BHMT: variants seen among roughly 807,000 people sequenced by gnomAD.
BHMT encodes the protein betaine--homocysteine S-methyltransferase.
In BHMT, 38 loss-of-function variants were observed where a neutral mutation model predicts 49.5. That is an observed-to-expected ratio of 0.77 (90% CI 0.59 to 1.01). The LOEUF (loss-of-function observed/expected upper bound fraction) is 1.01, where lower values mean the gene tolerates loss of function less well. Among genes scored for constraint, BHMT ranks in the 50% least tolerant of loss-of-function variants. BHMT has a pLI of 0.00. For synonymous variants in BHMT, 166 were observed against 176.3 expected, an observed-to-expected ratio of 0.94 and a Z score of 0.46; for missense variants, 426 against 495.7, an observed-to-expected ratio of 0.86 and a Z score of 1.34.
intron 1 of BHMT, among the ~76,000 whole-genome samples, chr5:79,113,707 A>G (rs1418302477): frequency 6.6e-6 from 1 of 152,180 alleles, no homozygotes; most frequent in Non-Finnish European, 1.5e-5. Context: ...CTTTTTCACA[A>G]AATGGTATAT....
intron 7 of BHMT, among the ~76,000 whole-genome samples, chr5:79,129,482 A>G (rs1190483477): frequency 6.6e-6 from 1 of 152,168 alleles, no homozygotes; most frequent in Admixed American, 6.5e-5. Context: ...TTGGTGAAAG[A>G]CACCTCCCAG....
chr5:79,119,621 T>C, intron 3 of BHMT: 1 of 327,330 alleles, frequency 3.1e-6, no homozygotes, highest in Non-Finnish European at 5.6e-6. Context: ...TCCCAGTCTC[T>C]TGACTAAGTT....
At chr5:79,123,868 G>A (rs1756510997) in intron 5 of BHMT, among the ~76,000 whole-genome samples, 2 of 152,070 alleles carry the variant, frequency 1.3e-5, no homozygotes, top group African/African-American at 2.4e-5. Context: ...AGTCCTTTTT[G>A]GGGGTGGAAA....
In BHMT at chr5:79,131,336, C is replaced by G. The variant is rs1395908300; in HGVS notation, c.*220C>G. ...AAATAAGTACAAAGTAAATCTTGAA[C>G]AGGTTCACTAAGCACCCACCCTGTG... On this transcript the variant is annotated 3_prime_UTR_variant, in exon 8 of 8. Transcript: ENST00000274353. The G allele has an allele frequency of 6.5e-6, 3 of 464,832 alleles. No individual in the cohort carries two copies. Among genetic ancestry groups the G allele is most frequent in the African/African-American group, 6.0e-5 (3 of 49,916 alleles). 28.8% of individuals were successfully genotyped at this position (464,832 alleles called of 1,614,324 possible).
At position 79,120,446 on chromosome 5, in the gene BHMT, T is replaced by C. The variant is rs778542559; in HGVS notation, c.382T>C (p.Tyr128His). The C allele has an allele frequency of 6.2e-6, 10 of 1,614,058 alleles. No individual in the cohort carries two copies. The highest frequency in any genetic ancestry group is 8.5e-6 in the Non-Finnish European group (10 of 1,180,030). Reference protein sequence around the residue: ...VAGGVSQTPSYLSCKSETEVK... With the variant: ...VAGGVSQTPSHLSCKSETEVK... ...AGGAGGAGTGAGTCAGACACCTTCA[T>C]ACCTTAGCTGCAAGAGTGAAACTGA... Residue 128 changes from tyrosine (Y) to histidine (H), a missense_variant, in exon 4 of 8, where the codon TAC (tyrosine) becomes CAC (histidine). Coordinates refer to ENST00000274353, the MANE Select transcript of BHMT (RefSeq NM_001713.3).
Position 79,116,150 on chromosome 5 carries a change from C to A in BHMT, c.166+251C>A, listed in dbSNP as rs578139197. The A allele has an allele frequency of 5.5e-5, 17 of 306,364 alleles. No homozygotes were observed. In the Admixed American group the frequency reaches 7.0e-4, roughly 13 times the overall value. 19.0% of individuals were successfully genotyped at this position (306,364 alleles called of 1,614,324 possible). On this transcript the variant is annotated intron_variant, in intron 2 of 7. Transcript: ENST00000274353. ...GGAGGATCGCTTGAGCTATTTTATG[C>A]AAATGATTTTGTGTATCTGCAGCGC...
At position 79,121,366 on chromosome 5, in the gene BHMT, G is replaced by A; in HGVS notation, c.625+1G>A. On this transcript the variant is annotated splice_donor_variant, in intron 5 of 7. Transcript: ENST00000274353. LOFTEE classifies it high-confidence loss of function. ...TGTGCAGTGCGCCTGGTGAAAGCAG[G>A]TGATGATAGATTTCAATCAGTTTGT... is the stretch of plus-strand genomic sequence containing the variant. 1 of 1,614,084 alleles carries A rather than the reference G, an allele frequency of 6.2e-7. No individual in the cohort carries two copies. The highest frequency in any genetic ancestry group is 8.5e-7 in the Non-Finnish European group (1 of 1,179,960).
chr5:79,126,408 A>C (rs866164069), intron 6 of BHMT, 180 bp downstream of exon 6: 20 of 628,264 alleles, frequency 3.2e-5, no homozygotes, highest in South Asian at 6.8e-5. Context: ...GAAGAGCAGA[A>C]GGAAAGGATG....
At chr5:79,129,689 G>A (rs1419537243) in intron 7 of BHMT, among the ~76,000 whole-genome samples, 2 of 152,088 alleles carry the variant, frequency 1.3e-5, no homozygotes, top group African/African-American at 4.8e-5. Context: ...AGGAAGCAAA[G>A]GAAATAGAAG....
At chr5:79,130,408 C>G (rs1017800451) in intron 7 of BHMT, among the ~76,000 whole-genome samples, 2 of 152,132 alleles carry the variant, frequency 1.3e-5, no homozygotes, top group Non-Finnish European at 2.9e-5. Flanking sequence ...CTGTAAAAAG[C>G]CTTCCAGCAG....
chr5:79,115,303 G>GAA lies in BHMT; in HGVS notation c.34-450_34-449dup, dbSNP rs879528470. 3.0e-3 allele frequency among the ~76,000 whole-genome samples: 378 copies of GAA among 126,386 alleles called. 3 individuals are homozygous for GAA. Among genetic ancestry groups the GAA allele is most frequent in the African/African-American group, 9.8e-3 (347 of 35,258 alleles). 82.9% of individuals were successfully genotyped at this position (126,386 alleles called of 152,430 possible). A position where few individuals can be genotyped will look rare whatever the true frequency, so the allele number is the denominator to read the frequency against. On this transcript the variant is annotated intron_variant, in intron 1 of 7. Coordinates refer to ENST00000274353, the MANE Select transcript of BHMT (RefSeq NM_001713.3). ...GCACATAGTGAGATGCTGTCTCTAA[G>GAA]AAAAAAAAAAAAAAATAGCATTCTA...
Position 79,127,887 on chromosome 5 carries a change from T to C in BHMT, c.941T>C (p.Leu314Pro). 6.2e-7 allele frequency: 1 copy of C among 1,614,124 alleles called. No individual in the cohort carries two copies. Among genetic ancestry groups the C allele is most frequent in the Non-Finnish European group, 8.5e-7 (1 of 1,180,024 alleles). The change falls in exon 7 of 8, where the codon CTG (leucine) becomes CCG (proline). Residue 314 changes from leucine (L) to proline (P), a missense_variant. Coordinates refer to ENST00000274353, the MANE Select transcript of BHMT (RefSeq NM_001713.3). Reference protein sequence around the residue: ...PYHIRAIAEELAPERGFLPPA... With the variant: ...PYHIRAIAEEPAPERGFLPPA... ...CACATCAGGGCAATTGCAGAGGAGCTGGCCCCAGAAAGGGGCTTTTTGCCA... is the reference window on the plus strand; with the variant it reads ...CACATCAGGGCAATTGCAGAGGAGCCGGCCCCAGAAAGGGGCTTTTTGCCA...
chr5:79,126,214 C>T lies in BHMT; in HGVS notation c.794C>T (p.Pro265Leu). 1 of 1,613,718 alleles carries T rather than the reference C, an allele frequency of 6.2e-7. No homozygotes were observed. The highest frequency in any genetic ancestry group is 8.5e-7 in the Non-Finnish European group (1 of 1,179,732). Residue 265 changes from proline (P) to leucine (L), a missense_variant, in exon 6 of 8, where the codon CCA becomes CTA. Transcript: ENST00000274353. ...AACAAGCAGGGATTCATCGATCTCC[C>T]AGAATTCCCATTTGGTAAGACCAAC... Reference protein sequence around the residue: ...DCNKQGFIDLPEFPFGLEPRV... With the variant: ...DCNKQGFIDLLEFPFGLEPRV...
intron 6 of BHMT, 135 bp from the exon 7 acceptor site, chr5:79,127,620 A>G: frequency 1.6e-6 from 2 of 1,260,484 alleles, no homozygotes; most frequent in South Asian, 3.2e-5. Context: ...CAAAGTAGCA[A>G]AGTTTTTTCT....
At chr5:79,123,653 G>A (rs572959799) in intron 5 of BHMT, among the ~76,000 whole-genome samples, 4 of 152,240 alleles carry the variant, frequency 2.6e-5, no homozygotes, top group South Asian at 2.1e-4. Context: ...CTGGGTTCAA[G>A]TGATTCTCCT....
intron 4 of BHMT, 87 bp downstream of exon 4, chr5:79,120,628 G>A: frequency 8.0e-7 from 1 of 1,250,228 alleles, no homozygotes; most frequent in Non-Finnish European, 1.1e-6. Context: ...TGTGGGGTTA[G>A]GTGACAATCA....
At chr5:79,125,735 C>T (rs559252561) in intron 5 of BHMT, among the ~76,000 whole-genome samples, 1 of 152,184 alleles carries the variant, frequency 6.6e-6, no homozygotes, top group South Asian at 2.1e-4. Context: ...AGTTCGAGAC[C>T]AGCCTGGGCA....
intron 6 of BHMT, 60 bp from the exon 7 acceptor site, chr5:79,127,695 A>C: frequency 6.4e-7 from 1 of 1,554,844 alleles, no homozygotes; most frequent in Non-Finnish European, 8.7e-7. Flanking sequence ...GTAGCTACTT[A>C]TCTTGAATTT....
chr5:79,112,468 C>T (rs1208743715), intron 1 of BHMT, among the ~76,000 whole-genome samples: 1 of 152,224 alleles, frequency 6.6e-6, no homozygotes, highest in Non-Finnish European at 1.5e-5. Flanking sequence ...CTGGCTCCGA[C>T]ATTTCCCGCC....
Sources: gnomAD v4.1 joint callset for allele counts (sites outside exome capture counted in the v4.1 genomes callset) on GRCh38, gnomAD v4.1.1 for gene constraint, MANE v1.5 for transcripts, NCBI Gene and HGNC (gene_info 2026-07-23, HGNC 2026-07-21) for gene names.